The following PM20D2 variants were observed in gnomAD, a reference collection of about 807,000 sequenced individuals.
PM20D2 encodes xaa-Arg dipeptidase.
A neutral mutation model predicts 42.9 loss-of-function variants in PM20D2; 33 were observed. That is an observed-to-expected ratio of 0.77 (90% CI 0.58 to 1.03). The LOEUF is 1.03. Among genes scored for constraint, PM20D2 ranks in the 50% least tolerant of loss-of-function variants. The pLI is 0.00. For synonymous variants in PM20D2, 250 were observed against 228.2 expected (o/e 1.10, Z -0.86); for missense variants, 548 against 557.0 (o/e 0.98, Z 0.16).
the PM20D2 span, among the ~76,000 whole-genome samples, chr6:89,130,615 G>A: frequency 6.7e-6 from 1 of 149,722 alleles, no homozygotes; most frequent in Non-Finnish European, 1.5e-5. Flanking sequence ...CATTAATTTG[G>A]ATTCTCCTTG....
chr6:89,161,504 A>C (rs1171698778), intron 5 of PM20D2, among the ~76,000 whole-genome samples: 3 of 152,138 alleles, frequency 2.0e-5, no homozygotes, highest in Non-Finnish European at 4.4e-5. Flanking sequence ...GAAGAAAGGG[A>C]GTAGGTGGCA....
the PM20D2 span, chr6:89,097,421 AT>A: frequency 6.6e-6 from 1 of 152,212 alleles, no homozygotes; most frequent in Non-Finnish European, 1.5e-5. Flanking sequence ...ATAAATATCA[AT>A]AAAGTTATTT....
chr6:89,124,736 G>GGTTTTTT, the PM20D2 span, among the ~76,000 whole-genome samples: 81 of 108,462 alleles, frequency 7.5e-4, 1 homozygote, highest in East Asian at 0.021. Context: ...TGCTGTTGTT[G>GGTTTTTT]TTTTTTTTTT....
chr6:89,108,576 C>A, the PM20D2 span, among the ~76,000 whole-genome samples: 6 of 151,926 alleles, frequency 3.9e-5, no homozygotes, highest in South Asian at 6.2e-4. Flanking sequence ...AAATGTGGCT[C>A]GGGAGAAATA....
intron 2 of PM20D2, among the ~76,000 whole-genome samples, chr6:89,150,663 C>A (rs1284777002): frequency 1.3e-5 from 2 of 150,940 alleles, no homozygotes; most frequent in African/African-American, 4.9e-5. Context: ...CCTCAGCCTC[C>A]TGAGTAGCTG....
the PM20D2 span, among the ~76,000 whole-genome samples, chr6:89,125,505 G>T: frequency 1.8e-3 from 272 of 152,168 alleles, 1 homozygote; most frequent in African/African-American, 6.3e-3. Context: ...TCTCAGCTGG[G>T]TGCAGTGGCT....
chr6:89,142,762 A>G (rs1055950440), upstream of PM20D2, among the ~76,000 whole-genome samples: 6 of 152,120 alleles, frequency 3.9e-5, no homozygotes, highest in Admixed American at 3.9e-4. Context: ...GGTTCACGCC[A>G]TTCTCCTGCC....
At chr6:89,136,418 C>T in the PM20D2 span, among the ~76,000 whole-genome samples, 1 of 151,348 alleles carries the variant, frequency 6.6e-6, no homozygotes, top group African/African-American at 2.5e-5. Context: ...TGGCTCACGC[C>T]TGTAATCCCA....
chr6:89,098,890 T>C, the PM20D2 span: 7 of 1,613,850 alleles, frequency 4.3e-6, no homozygotes, highest in East Asian at 2.2e-5. Context: ...TAGACCGCCT[T>C]GGTAATGATT....
At chr6:89,109,390 C>T in the PM20D2 span, among the ~76,000 whole-genome samples, 1 of 151,850 alleles carries the variant, frequency 6.6e-6, no homozygotes, top group Non-Finnish European at 1.5e-5. Flanking sequence ...ATTTGCCTAT[C>T]AATGAAAAAA....
chr6:89,100,229 C>A, the PM20D2 span, among the ~76,000 whole-genome samples: 1 of 152,094 alleles, frequency 6.6e-6, no homozygotes, highest in Non-Finnish European at 1.5e-5. Context: ...TCAAGAACTG[C>A]GCTGAAATTT....
the PM20D2 span, among the ~76,000 whole-genome samples, chr6:89,107,636 C>T: frequency 1.3e-5 from 2 of 151,884 alleles, no homozygotes; most frequent in African/African-American, 2.4e-5. Flanking sequence ...GAGGCTGAGG[C>T]GGGAGAATCA....
In PM20D2 at chr6:89,162,122, T is replaced by C; in HGVS notation, c.1170T>C (p.Ala390=). 1 of 1,606,146 alleles carries C rather than the reference T, an allele frequency of 6.2e-7. No individual in the cohort carries two copies. The highest frequency in any genetic ancestry group is 8.5e-7 in the Non-Finnish European group (1 of 1,177,864). The part of the protein sequence containing the change: ...QYTEAAGSQE[A]QFYTLRTAKA... ...TCTACCTTTTAGGGTCACAGGAAGC[T>C]CAGTTCTACACTCTGCGGACGGCCA... is the stretch of plus-strand genomic sequence containing the variant. Residue 390 remains alanine, a synonymous_variant, in exon 7 of 7, where the codon GCT becomes GCC. Coordinates refer to ENST00000275072, the MANE Select transcript of PM20D2 (RefSeq NM_001010853.3).
chr6:89,150,965 C>A (rs1770813726), intron 2 of PM20D2, among the ~76,000 whole-genome samples: 1 of 151,520 alleles, frequency 6.6e-6, no homozygotes, highest in African/African-American at 2.4e-5. Flanking sequence ...ACCAGCCTGG[C>A]CAACTTGGCA....
At chr6:89,105,574 A>C in the PM20D2 span, 1 of 1,369,348 alleles carries the variant, frequency 7.3e-7, no homozygotes, top group East Asian at 2.4e-5. Context: ...ATATCAAGTA[A>C]ACATATTTTA....
chr6:89,152,210 T>TA (rs1176102264), intron 2 of PM20D2, among the ~76,000 whole-genome samples: 9 of 152,250 alleles, frequency 5.9e-5, no homozygotes, highest in Non-Finnish European at 7.3e-5. Flanking sequence ...TTTGTCCTGC[T>TA]AATAGAATGT....
chr6:89,143,020 T>C (rs185413187), upstream of PM20D2, among the ~76,000 whole-genome samples: 45 of 152,372 alleles, frequency 3.0e-4, 1 homozygote, highest in African/African-American at 1.0e-3. Context: ...AGCTCTCTGG[T>C]ACTTCTATTT....
At chr6:89,106,803 T>C in the PM20D2 span, 3 of 359,398 alleles carry the variant, frequency 8.3e-6, no homozygotes, top group South Asian at 6.4e-5. Context: ...TGAGTAAATG[T>C]AGGAAAGCCG....
At chr6:89,117,852 C>T in the PM20D2 span, 1 of 1,562,004 alleles carries the variant, frequency 6.4e-7, no homozygotes, top group Non-Finnish European at 8.6e-7. Context: ...TCCTGATGAA[C>T]AGGGAGGTGT....
Sources: gnomAD v4.1 joint callset for allele counts (sites outside exome capture counted in the v4.1 genomes callset) on GRCh38, gnomAD v4.1.1 for gene constraint, MANE v1.5 for transcripts, NCBI Gene and HGNC (gene_info 2026-07-23, HGNC 2026-07-21) for gene names.